The following ARHGAP23 variants were observed in gnomAD, a reference collection of about 807,000 sequenced individuals.
The protein encoded by ARHGAP23 is Rho GTPase activating protein 23, also known as rho GTPase-activating protein 23.
ARHGAP23 carries 34 observed loss-of-function variants against 136.3 expected under a neutral mutation model. The observed-to-expected ratio is 0.25, with a 90% CI of 0.19 to 0.33. The LOEUF (loss-of-function observed/expected upper bound fraction) is 0.33. Ranked by LOEUF, ARHGAP23 falls within the 10% of genes least tolerant of loss-of-function variation. The pLI, the probability that ARHGAP23 is intolerant of heterozygous loss-of-function variation, is 1.00. For missense variants in ARHGAP23, 1,808 were observed against 2,139.0 expected (o/e 0.85, Z 3.05); for synonymous variants, 832 against 920.5 (o/e 0.90, Z 1.74).
chr17:38,498,877 C>G, intron 22 of ARHGAP23: 1 of 695,508 alleles, frequency 1.4e-6, no homozygotes, highest in Non-Finnish European at 2.6e-6. Context: ...CCCTCCTCTT[C>G]TCCCCGTGCT....
intron 1 of ARHGAP23, among the ~76,000 whole-genome samples, chr17:38,453,129 G>T (rs2039219595): frequency 6.6e-6 from 1 of 152,162 alleles, no homozygotes; most frequent in African/African-American, 2.4e-5. Context: ...TGCGTGGGTG[G>T]GTAAATGTGG....
chr17:38,495,228 C>CTTT (rs11295890), intron 20 of ARHGAP23, among the ~76,000 whole-genome samples: 2 of 135,484 alleles, frequency 1.5e-5, no homozygotes. Context: ...TTTTCTTTTT[C>CTTT]TTTTTTTTTT....
At chr17:38,502,631 C>G (rs1457123132) in intron 23 of ARHGAP23, among the ~76,000 whole-genome samples, 2 of 152,104 alleles carry the variant, frequency 1.3e-5, no homozygotes, top group Non-Finnish European at 2.9e-5. Flanking sequence ...ATGGAATGAG[C>G]TAATAAAGTG....
chr17:38,476,719 G>A lies in ARHGAP23; in HGVS notation c.2119-860G>A, dbSNP rs139085559. Among the ~76,000 whole-genome samples, 4 of 152,312 alleles carry A rather than the reference G, an allele frequency of 2.6e-5. No homozygotes were observed. The East Asian group carries it at 7.7e-4, about 29-fold the overall frequency. On this transcript the variant is annotated intron_variant, in intron 11 of 23. Transcript: ENST00000622683. ...CTGGAGCTCCGCCTCCTTTAGGGCG[G>A]GGTCTCTTACCCTCAGCTCTGCTGA... is the stretch of plus-strand genomic sequence containing the variant.
chr17:38,485,627 CG>C (rs1400168074), intron 16 of ARHGAP23, among the ~76,000 whole-genome samples: 14 of 152,034 alleles, frequency 9.2e-5, no homozygotes, highest in East Asian at 7.7e-4. Context: ...GACTTTTAGG[CG>C]GGGATGAGGA....
At chr17:38,428,731 G>A (rs1436903465) in intron 1 of ARHGAP23, among the ~76,000 whole-genome samples, 183 bp downstream of exon 1, 1 of 152,146 alleles carries the variant, frequency 6.6e-6, no homozygotes, top group East Asian at 1.9e-4. Flanking sequence ...GCCCGAGCAA[G>A]AGCTGTCCGG....
chr17:38,449,891 T>A (rs1210611831), intron 1 of ARHGAP23, among the ~76,000 whole-genome samples: 1 of 152,150 alleles, frequency 6.6e-6, no homozygotes, highest in Non-Finnish European at 1.5e-5. Flanking sequence ...CTCTCTCACT[T>A]CCTTAACCAC....
At chr17:38,434,140 C>G (rs910743386) in intron 1 of ARHGAP23, among the ~76,000 whole-genome samples, 2 of 152,080 alleles carry the variant, frequency 1.3e-5, no homozygotes, top group African/African-American at 4.8e-5. Flanking sequence ...TTGTCATCAT[C>G]CTGGGTGCCC....
intron 1 of ARHGAP23, among the ~76,000 whole-genome samples, chr17:38,434,846 G>A (rs1240704997): frequency 6.6e-6 from 1 of 152,256 alleles, no homozygotes; most frequent in Admixed American, 6.5e-5. Context: ...GAGCTCTTGG[G>A]AGGAGGGAGA....
In ARHGAP23 at chr17:38,477,055, G is replaced by T. The variant is rs1179838823; in HGVS notation, c.2119-524G>T. On this transcript the variant is annotated intron_variant, in intron 11 of 23. Transcript: ENST00000622683. The surrounding 1 kb of genome is among the most constrained non-coding windows in gnomAD (Gnocchi z 6.6). ...CGCTGAGGGGTTAAGGCAAGTTGGG[G>T]AGAAGCAGCCACTGGCTTTGGCCAC... Among the ~76,000 whole-genome samples, 3 of 152,174 alleles carry T rather than the reference G, an allele frequency of 2.0e-5. No individual in the cohort carries two copies. Among genetic ancestry groups the T allele is most frequent in the African/African-American group, 7.2e-5 (3 of 41,438 alleles).
chr17:38,509,128 CCATGGGCGGCAG>C (rs2040698715), intron 23 of ARHGAP23, among the ~76,000 whole-genome samples: 1 of 151,912 alleles, frequency 6.6e-6, no homozygotes, highest in Admixed American at 6.6e-5. Context: ...TTCCAGAAGG[CCATGGGCGGCAG>C]CATGGGCCCT....
At chr17:38,457,884 G>A in intron 1 of ARHGAP23, 1 of 603,344 alleles carries the variant, frequency 1.7e-6, no homozygotes, top group African/African-American at 1.9e-5. Context: ...TGAGGGGACT[G>A]AGGGGAAAGG....
At chr17:38,421,728 T>C (rs1798124888) in intron 1 of ARHGAP23, among the ~76,000 whole-genome samples, 1 of 152,198 alleles carries the variant, frequency 6.6e-6, no homozygotes, top group Non-Finnish European at 1.5e-5. Flanking sequence ...CCCGCCCCTC[T>C]TTTCTCCTCA....
At chr17:38,437,427 G>A (rs544648029) in intron 1 of ARHGAP23, among the ~76,000 whole-genome samples, 1 of 152,018 alleles carries the variant, frequency 6.6e-6, no homozygotes, top group Non-Finnish European at 1.5e-5. Context: ...ATCAATTTGA[G>A]ACCAACATGG....
At chr17:38,422,217 T>A (rs1350118437) in intron 1 of ARHGAP23, among the ~76,000 whole-genome samples, 4 of 152,204 alleles carry the variant, frequency 2.6e-5, no homozygotes, top group African/African-American at 9.7e-5. Flanking sequence ...TGTGTCTGTT[T>A]CCTCATTTAC....
intron 20 of ARHGAP23, among the ~76,000 whole-genome samples, chr17:38,494,703 C>T (rs4795283): frequency 0.47 from 71,742 of 152,164 alleles, 18,745 homozygotes; most frequent in East Asian, 0.83. Context: ...GGACCCACCC[C>T]GGCCCTGGGT....
intron 2 of ARHGAP23, among the ~76,000 whole-genome samples, chr17:38,460,464 C>T (rs1178841158): frequency 2.6e-5 from 4 of 152,186 alleles, no homozygotes; most frequent in African/African-American, 9.7e-5. Context: ...TTCTACCCGC[C>T]ACCCTCAGAT....
At chr17:38,433,471 C>T (rs2038727629) in intron 1 of ARHGAP23, among the ~76,000 whole-genome samples, 1 of 152,160 alleles carries the variant, frequency 6.6e-6, no homozygotes, top group Non-Finnish European at 1.5e-5. Flanking sequence ...AAGTGACCTG[C>T]CTCTGGAGGT....
intron 1 of ARHGAP23, among the ~76,000 whole-genome samples, chr17:38,453,466 C>CGT (rs1360924198): frequency 6.8e-6 from 1 of 146,936 alleles, no homozygotes; most frequent in Non-Finnish European, 1.5e-5. Context: ...TGTGTGCGCG[C>CGT]GCGCGCTGGA....
Sources: allele counts gnomAD v4.1 joint callset (sites outside exome capture counted in the v4.1 genomes callset), GRCh38; gene constraint gnomAD v4.1.1; non-coding constraint Gnocchi (gnomAD v3.1); transcripts MANE v1.5; gene names NCBI Gene and HGNC (gene_info 2026-07-23, HGNC 2026-07-21).